DPH6: variants seen among roughly 807,000 people sequenced by gnomAD.
The protein encoded by DPH6 is diphthamine biosynthesis 6.
In DPH6, 33 loss-of-function variants were observed where a neutral mutation model predicts 38.2. That is an observed-to-expected ratio of 0.86 (90% CI 0.65 to 1.15). The LOEUF (loss-of-function observed/expected upper bound fraction) is 1.15. DPH6 is among the 50% of genes most tolerant of loss of function. The pLI is 0.00. For synonymous variants in DPH6, 108 were observed against 103.0 expected, an observed-to-expected ratio of 1.05 and a Z score of -0.30; for missense variants, 325 against 320.0, an observed-to-expected ratio of 1.02 and a Z score of -0.12.
chr15:35,327,648 A>G (rs1025012763), downstream of DPH6, among the ~76,000 whole-genome samples: 3 of 152,136 alleles, frequency 2.0e-5, no homozygotes, highest in African/African-American at 7.2e-5. Flanking sequence ...TCTTTAAACA[A>G]TAGCAAGTGA....
At chr15:35,172,832 C>T in the DPH6 span, among the ~76,000 whole-genome samples, 1 of 151,848 alleles carries the variant, frequency 6.6e-6, no homozygotes, top group Non-Finnish European at 1.5e-5. Flanking sequence ...GTTGGGTCTA[C>T]AGGCATGAAC....
the DPH6 span, among the ~76,000 whole-genome samples, chr15:35,209,724 C>A: frequency 2.0e-5 from 3 of 152,140 alleles, no homozygotes; most frequent in Non-Finnish European, 2.9e-5. Flanking sequence ...TTAGTGATGA[C>A]TATAAGTTTC....
At chr15:35,316,949 T>C (rs923609023) in intron 3 of DPH6, among the ~76,000 whole-genome samples, 11 of 152,290 alleles carry the variant, frequency 7.2e-5, no homozygotes, top group Admixed American at 3.3e-4. Flanking sequence ...CTTTCTAGAA[T>C]TTTATACCCA....
chr15:35,488,147 A>G (rs2054429716), intron 3 of DPH6, among the ~76,000 whole-genome samples: 1 of 152,170 alleles, frequency 6.6e-6, no homozygotes, highest in Non-Finnish European at 1.5e-5. Context: ...TTTTGATCAT[A>G]TAAGCATTTT....
At chr15:35,248,190 T>G (rs968455532) in intron 3 of DPH6, among the ~76,000 whole-genome samples, 2 of 152,200 alleles carry the variant, frequency 1.3e-5, no homozygotes, top group Non-Finnish European at 2.9e-5. Context: ...CTTGCCCTCC[T>G]GTCTCTTACC....
At chr15:35,480,059 A>G (rs2054308987) in intron 3 of DPH6, among the ~76,000 whole-genome samples, 1 of 152,074 alleles carries the variant, frequency 6.6e-6, no homozygotes. Flanking sequence ...AAAAAGTACT[A>G]TAATAATACA....
chr15:35,408,084 T>C (rs1020773327), intron 6 of DPH6, among the ~76,000 whole-genome samples: 8 of 151,946 alleles, frequency 5.3e-5, no homozygotes, highest in Non-Finnish European at 8.8e-5. Context: ...ATGGTGGTAG[T>C]AGTAGAGACA....
At chr15:35,199,911 T>A in the DPH6 span, among the ~76,000 whole-genome samples, 1 of 152,028 alleles carries the variant, frequency 6.6e-6, no homozygotes, top group African/African-American at 2.4e-5. Flanking sequence ...GTGATGTCAT[T>A]ACAGTGCAGA....
chr15:35,290,973 C>T (rs775552620), intron 3 of DPH6, among the ~76,000 whole-genome samples: 21 of 152,016 alleles, frequency 1.4e-4, no homozygotes, highest in Non-Finnish European at 2.4e-4. Context: ...AACTTACAGA[C>T]AATAAGTGAA....
intron 5 of DPH6, among the ~76,000 whole-genome samples, chr15:35,422,297 T>C (rs968034392): frequency 2.6e-5 from 4 of 151,746 alleles, no homozygotes; most frequent in Non-Finnish European, 2.9e-5. Flanking sequence ...TCAAGAAGAA[T>C]AGATGAAATG....
At chr15:35,314,593 C>A (rs1305730426) in intron 3 of DPH6, among the ~76,000 whole-genome samples, 2 of 152,080 alleles carry the variant, frequency 1.3e-5, no homozygotes, top group African/African-American at 4.8e-5. Flanking sequence ...CAGTGGCCAG[C>A]CGTCGGAAGT....
At chr15:35,178,910 T>C in the DPH6 span, among the ~76,000 whole-genome samples, 1 of 152,016 alleles carries the variant, frequency 6.6e-6, no homozygotes. Context: ...AAGTGCTCAA[T>C]AAATGTGTTA....
At position 35,496,567 on chromosome 15, in the gene DPH6, A is replaced by AAAAATATATATATATAT; in HGVS notation, c.312+41706_312+41707insATATATATATATATTTT. 3.8e-3 allele frequency among the ~76,000 whole-genome samples: 118 copies of AAAAATATATATATATAT among 30,998 alleles called. 2 individuals carry two copies. The highest frequency in any genetic ancestry group is 0.029 in the Middle Eastern group (1 of 34). The allele number at this position is 30,998 out of a possible 152,430, so 20.3% of individuals were successfully genotyped here. A position where few individuals can be genotyped will look rare whatever the true frequency, so the allele number is the denominator to read the frequency against. On this transcript the variant is annotated intron_variant, in intron 3 of 8. Transcript: ENST00000256538. ...GAAAGTTCCATCTCAAAAAAAAAAA[A>AAAAATATATATATATAT]ATATATATATATATATATATATATC...
chr15:35,194,385 G>GAA, the DPH6 span, among the ~76,000 whole-genome samples: 4 of 151,678 alleles, frequency 2.6e-5, no homozygotes, highest in Non-Finnish European at 5.9e-5. Context: ...GAGAGAGAGA[G>GAA]AGAGAGAGAG....
In DPH6 at chr15:35,477,133, T is replaced by C. The variant is rs149090163; in HGVS notation, c.313-22313A>G. ...TTATTTTAGTTTTTACTATACCCTA[T>C]GCATATCATTAATGAAAGTGGAGGG... is the stretch of plus-strand genomic sequence containing the variant. On this transcript the variant is annotated intron_variant, in intron 3 of 8. Coordinates refer to ENST00000256538, the MANE Select transcript of DPH6 (RefSeq NM_080650.4). Among the ~76,000 whole-genome samples, 15 of 151,978 alleles carry C rather than the reference T, an allele frequency of 9.9e-5. No individual in the cohort carries two copies. The East Asian group carries it at 2.9e-3, about 29-fold the overall frequency.
intron 3 of DPH6, among the ~76,000 whole-genome samples, chr15:35,346,716 T>C (rs1009340088): frequency 4.6e-5 from 7 of 152,162 alleles, no homozygotes; most frequent in East Asian, 3.8e-4. Flanking sequence ...AGGTCATTGA[T>C]TTTCAGCCTT....
intron 5 of DPH6, among the ~76,000 whole-genome samples, chr15:35,446,683 G>T (rs1212674509): frequency 6.6e-6 from 1 of 152,102 alleles, no homozygotes; most frequent in African/African-American, 2.4e-5. Context: ...AATTTTTGGG[G>T]TGTCAAAAGT....
chr15:35,176,167 C>G, the DPH6 span, among the ~76,000 whole-genome samples: 1 of 152,172 alleles, frequency 6.6e-6, no homozygotes, highest in Non-Finnish European at 1.5e-5. Context: ...TTGTAGGATG[C>G]TAAGCACTTT....
chr15:35,446,056 G>A (rs1167774755), intron 5 of DPH6, among the ~76,000 whole-genome samples: 1 of 152,108 alleles, frequency 6.6e-6, no homozygotes, highest in Non-Finnish European at 1.5e-5. Context: ...TCAAGACGCA[G>A]AGAAAAGTCA....
Sources: allele counts gnomAD v4.1 joint callset (sites outside exome capture counted in the v4.1 genomes callset), GRCh38; gene constraint gnomAD v4.1.1; transcripts MANE v1.5; gene names NCBI Gene and HGNC (gene_info 2026-07-23, HGNC 2026-07-21).